Variants in PC observed in about 807,000 individuals in gnomAD.
The protein encoded by PC is pyruvate carboxylase, mitochondrial.
In PC, 46 loss-of-function variants were observed where a neutral mutation model predicts 107.8. That is an observed-to-expected ratio of 0.43 (90% CI 0.34 to 0.55). The LOEUF is 0.55. Among genes scored for constraint, PC ranks in the 20% least tolerant of loss-of-function variants. PC has a pLI of 0.04. For missense variants in PC, 1,241 were observed against 1,643.1 expected (o/e 0.76, Z 4.23); for synonymous variants, 662 against 684.7 (o/e 0.97, Z 0.52).
chr11:66,865,207 G>A (rs906199083), intron 11 of PC, among the ~76,000 whole-genome samples: 29 of 151,794 alleles, frequency 1.9e-4, no homozygotes, highest in African/African-American at 7.1e-4. Context: ...AATCCAGAGA[G>A]CTCTGGTCCC....
rs1336829179 is a variant in PC at position 66,871,337 on chromosome 11, G to A, written c.465C>T (p.Ala155=). The A allele has an allele frequency of 6.2e-7, 1 of 1,613,952 alleles. No homozygotes were observed. The change falls in exon 6 of 23, where the codon GCC becomes GCT. Residue 155 remains alanine (A), a synonymous_variant. Transcript: ENST00000393960. This position sits in a 1 kb window ranked among gnomAD's most constrained non-coding sequence, Gnocchi z 7.4. ...CACCCGCAGCAATGGCGATGGCCCG[G>A]GCCTCCACCTTGTCTCCCATCTTGC... ...VVRKMGDKVE[A]RAIAIAAGVP...
At position 66,868,961 on chromosome 11, in the gene PC, C is replaced by A. The variant is rs751474438; in HGVS notation, c.907G>T (p.Gly303Cys). ...TCCACGGTGCCTGCGTTCTCGTAGCCCACCTGTGGGGGCGGCCACGTGAGC... is the reference window on the plus strand; with the variant it reads ...TCCACGGTGCCTGCGTTCTCGTAGCACACCTGTGGGGGCGGCCACGTGAGC... Reference protein sequence around the residue: ...SDSVKLAKQVGYENAGTVEFL... With the variant: ...SDSVKLAKQVCYENAGTVEFL... The change falls in exon 10 of 23, where the codon GGC becomes TGC. Residue 303 changes from glycine (G) to cysteine (C), a missense_variant. By Grantham distance (159) the Gly-to-Cys change is radical (BLOSUM62 -3). Transcript: ENST00000393960. The A allele has an allele frequency of 1.2e-6, 2 of 1,613,258 alleles. No homozygotes were observed. The highest frequency in any genetic ancestry group is 1.7e-6 in the Non-Finnish European group (2 of 1,179,534).
At chr11:66,907,034 G>A (rs985499583) in intron 3 of PC, among the ~76,000 whole-genome samples, 7 of 152,218 alleles carry the variant, frequency 4.6e-5, no homozygotes, top group African/African-American at 1.2e-4. Context: ...GGACTGAGCC[G>A]GCTGGGGAGC....
chr11:66,911,940 G>A (rs1451007234), intron 3 of PC, among the ~76,000 whole-genome samples: 2 of 151,870 alleles, frequency 1.3e-5, no homozygotes, highest in African/African-American at 4.8e-5. Context: ...GGCTGAGGCA[G>A]GAGAATCCCT....
At chr11:66,880,504 G>A (rs1947149815) in intron 3 of PC, among the ~76,000 whole-genome samples, 2 of 152,184 alleles carry the variant, frequency 1.3e-5, no homozygotes, top group South Asian at 4.1e-4. Flanking sequence ...GAGGGTGGGA[G>A]ACGGCCTTCC....
intron 3 of PC, among the ~76,000 whole-genome samples, chr11:66,903,005 AGCT>A (rs1385512767): frequency 6.6e-6 from 1 of 152,246 alleles, no homozygotes; most frequent in Non-Finnish European, 1.5e-5. Context: ...CCTGCTGAGC[AGCT>A]GCTGACTCGC....
chr11:66,920,687 C>T (rs1219080996), intron 3 of PC, among the ~76,000 whole-genome samples: 12 of 152,184 alleles, frequency 7.9e-5, no homozygotes, highest in Non-Finnish European at 1.8e-4. Flanking sequence ...GGTATCAGAA[C>T]TCCAACCTCC....
Position 66,924,369 on chromosome 11 carries a change from C to CAAAAAAAAA in PC, c.-1+28052_-1+28060dup, listed in dbSNP as rs71045970. Among the ~76,000 whole-genome samples the CAAAAAAAAA allele has an allele frequency of 3.8e-3, 248 of 65,540 alleles. 19 individuals are homozygous for CAAAAAAAAA. Among genetic ancestry groups the CAAAAAAAAA allele is most frequent in the African/African-American group, 0.013 (221 of 16,428 alleles). The allele number at this position is 65,540 out of a possible 152,430, so 43.0% of individuals were successfully genotyped here. A position where few individuals can be genotyped will look rare whatever the true frequency, so the allele number is the denominator to read the frequency against. ...TAACATAGCAAGACCCCATCTCTAC[C>CAAAAAAAAA]AAAAAAAAAAAAAAAAAAAATTAGC... On this transcript the variant is annotated intron_variant, in intron 3 of 22. Transcript: ENST00000393960.
chr11:66,880,068 A>G (rs998803195), intron 3 of PC, among the ~76,000 whole-genome samples: 1 of 152,202 alleles, frequency 6.6e-6, no homozygotes, highest in African/African-American at 2.4e-5. Context: ...CCCAACAGAC[A>G]TAAAGATGAA....
chr11:66,907,569 T>C lies in PC; in HGVS notation c.1-35410A>G, dbSNP rs948023783. On this transcript the variant is annotated intron_variant, in intron 3 of 22. Coordinates refer to ENST00000393960, the MANE Select transcript of PC (RefSeq NM_001040716.2). ...AAATCTGTTCTCAGGTCAAGTAGGG[T>C]TTGCCTACCTCCTGCCCCTCAGCTT... Among the ~76,000 whole-genome samples, 31 of 152,168 alleles carry C rather than the reference T, an allele frequency of 2.0e-4. No individual in the cohort carries two copies. In the Middle Eastern group the frequency reaches 0.014, roughly 67 times the overall value.
At chr11:66,859,738 C>G in intron 12 of PC, 1 of 1,610,486 alleles carries the variant, frequency 6.2e-7, no homozygotes. Flanking sequence ...GCTGGGCCCT[C>G]TGACCTCACG....
intron 3 of PC, among the ~76,000 whole-genome samples, chr11:66,947,791 CCT>C (rs1234677700): frequency 6.6e-6 from 1 of 150,688 alleles, no homozygotes; most frequent in Non-Finnish European, 1.5e-5. Context: ...GGTGAAACCC[CCT>C]CTCTACTAAA....
chr11:66,852,611 C>T lies in PC; in HGVS notation c.1653G>A (p.Glu551=). The T allele has an allele frequency of 6.2e-7, 1 of 1,613,980 alleles. No homozygotes were observed. Among genetic ancestry groups the T allele is most frequent in the South Asian group, 1.1e-5 (1 of 91,084 alleles). Residue 551 remains glutamate, a synonymous_variant, in exon 15 of 23, where the codon GAG becomes GAA. Coordinates refer to ENST00000393960, the MANE Select transcript of PC (RefSeq NM_001040716.2). The surrounding 1 kb of genome is among the most constrained non-coding windows in gnomAD (Gnocchi z 4.7). The part of the protein sequence containing the change: ...FRDILLREGP[E]GFARAVRNHP... ...GGTTCCGCACAGCTCGAGCAAAGCC[C>T]TCAGGCCCCTCTCGCAGCAGGATGT...
intron 12 of PC, chr11:66,859,241 G>C (rs1465767338): frequency 8.4e-6 from 9 of 1,074,842 alleles, no homozygotes; most frequent in Non-Finnish European, 1.3e-6. Context: ...AGGAGCAGTG[G>C]CCTGGCCTGG....
At chr11:66,867,495 A>G (rs1946543823) in intron 10 of PC, among the ~76,000 whole-genome samples, 1 of 152,178 alleles carries the variant, frequency 6.6e-6, no homozygotes, top group Non-Finnish European at 1.5e-5. Context: ...CTGCTGGCCC[A>G]CTTCGCAGCA....
intron 3 of PC, among the ~76,000 whole-genome samples, chr11:66,946,302 C>T (rs1949289475): frequency 1.3e-5 from 2 of 151,962 alleles, no homozygotes; most frequent in Admixed American, 6.6e-5. Flanking sequence ...GAGACCAGCC[C>T]TGGCAACACA....
chr11:66,862,813 CAA>C (rs1946330399), intron 12 of PC, among the ~76,000 whole-genome samples: 1 of 152,240 alleles, frequency 6.6e-6, no homozygotes, highest in South Asian at 2.1e-4. Context: ...CAAGGCCACC[CAA>C]AGACAAGCCG....
intron 3 of PC, among the ~76,000 whole-genome samples, chr11:66,921,734 G>A (rs1304446382): frequency 6.6e-6 from 1 of 152,198 alleles, no homozygotes; most frequent in Non-Finnish European, 1.5e-5. Context: ...CAGAGCTGTT[G>A]CAGTAAGTAG....
At position 66,857,535 on chromosome 11, in the gene PC, C is replaced by T. The variant is rs1945938291; in HGVS notation, c.1369-4152G>A. The T allele has an allele frequency of 1.7e-6, 1 of 577,526 alleles. No homozygotes were observed. The highest frequency in any genetic ancestry group is 3.0e-6 in the Non-Finnish European group (1 of 329,006). The allele number at this position is 577,526 out of a possible 1,614,324, so 35.8% of individuals were successfully genotyped here. A position where few individuals can be genotyped will look rare whatever the true frequency, so the allele number is the denominator to read the frequency against. ...CAGCGCCTGGACTCCCCCTTAACTG[C>T]TTGGGAAATGTGACCTTTGCTCTGG... On this transcript the variant is annotated intron_variant, in intron 12 of 22. Transcript: ENST00000393960. This position sits in a 1 kb window ranked among gnomAD's most constrained non-coding sequence, Gnocchi z 7.1.
Sources: gnomAD v4.1 joint callset for allele counts (sites outside exome capture counted in the v4.1 genomes callset) on GRCh38, gnomAD v4.1.1 for gene constraint, Gnocchi (gnomAD v3.1) non-coding constraint, MANE v1.5 for transcripts, NCBI Gene and HGNC (gene_info 2026-07-23, HGNC 2026-07-21) for gene names.